The following SPTBN4 variants were observed in gnomAD, a reference collection of about 807,000 sequenced individuals.
The protein encoded by SPTBN4 is spectrin beta chain, non-erythrocytic 4.
Under a neutral mutation model 277.8 loss-of-function variants are expected in SPTBN4, and 96 were observed. That is an observed-to-expected ratio of 0.35 (90% CI 0.29 to 0.41). The LOEUF (loss-of-function observed/expected upper bound fraction) is 0.41. Ranked by LOEUF, SPTBN4 falls within the 10% of genes least tolerant of loss-of-function variation. The pLI is 1.00. For synonymous variants in SPTBN4, 1,481 were observed against 1,580.3 expected (o/e 0.94, Z 1.49); for missense variants, 3,006 against 3,595.7 (o/e 0.84, Z 4.19).
At chr19:40,528,739 C>T (rs775431334) in intron 17 of SPTBN4, among the ~76,000 whole-genome samples, 2 of 152,008 alleles carry the variant, frequency 1.3e-5, no homozygotes, top group African/African-American at 2.4e-5. Flanking sequence ...CTAGGTATGT[C>T]TGTCTTTACT....
rs1324788939 is a variant in SPTBN4, at chr19:40,567,928, G to T, written c.6602G>T (p.Arg2201Met). The T allele has an allele frequency of 6.6e-7, 1 of 1,519,434 alleles. No individual in the cohort carries two copies. The allele number at this position is 1,519,434 out of a possible 1,614,324, so 94.1% of individuals were successfully genotyped here. Reference protein sequence around the residue: ...RIDRLPEIPGRVEPAALPAAP... With the variant: ...RIDRLPEIPGMVEPAALPAAP... ...GACCGGCTGCCGGAGATCCCGGGGA[G>T]GGTGGAGCCCGCGGCCCTGCCGGCC... The change falls in exon 31 of 36, where the codon AGG becomes ATG. Residue 2201 changes from arginine (R) to methionine (M), a missense_variant. This residue lies in a region of SPTBN4 where 630 missense variants were observed against 677.6 expected (regional missense o/e 0.93). Transcript: ENST00000598249.
rs752906848 is a variant in SPTBN4, at chr19:40,472,591, C to A, written c.-15-16C>A. On this transcript the variant is annotated splice_polypyrimidine_tract_variant and intron_variant, in intron 1 of 35. Coordinates refer to ENST00000598249, the MANE Select transcript of SPTBN4 (RefSeq NM_020971.3). The stretch of plus-strand genomic sequence containing the variant: ...AGACTTGATCCTAGACCTAACCTAC[C>A]TCTCCCTATGTCCAGGCCTCACCTT... 5.0e-5 allele frequency: 79 copies of A among 1,585,276 alleles called. No homozygotes were observed. Among genetic ancestry groups the A allele is most frequent in the Non-Finnish European group, 6.7e-5 (78 of 1,161,576 alleles).
intron 20 of SPTBN4, among the ~76,000 whole-genome samples, chr19:40,545,339 C>T (rs767319541): frequency 9.0e-4 from 137 of 151,922 alleles, no homozygotes; most frequent in Non-Finnish European, 1.6e-3. Flanking sequence ...TGTGATCTGC[C>T]TGCCTTGGCC....
At chr19:40,530,866 A>T (rs1251609665) in intron 18 of SPTBN4, 1 of 144,810 alleles carries the variant, frequency 6.9e-6, no homozygotes, top group African/African-American at 2.6e-5. Context: ...GGTAATCTGG[A>T]TTTGCCCTAA....
Position 40,534,061 on chromosome 19 carries a change from A to T in SPTBN4, c.4096-19A>T. On this transcript the variant is annotated intron_variant, in intron 19 of 35. Coordinates refer to ENST00000598249, the MANE Select transcript of SPTBN4 (RefSeq NM_020971.3). ...CTATCTATCTTCTCCATCTCCTGCC[A>T]TCCACCCACTTGGGGCAGGAGGGCC... 6.3e-7 allele frequency: 1 copy of T among 1,589,918 alleles called. No homozygotes were observed. Among genetic ancestry groups the T allele is most frequent in the Non-Finnish European group, 8.6e-7 (1 of 1,163,392 alleles).
At chr19:40,559,722 G>A (rs994242111) in intron 26 of SPTBN4, among the ~76,000 whole-genome samples, 1 of 152,206 alleles carries the variant, frequency 6.6e-6, no homozygotes, top group Non-Finnish European at 1.5e-5. Flanking sequence ...AATGGAAATT[G>A]GGCAGGGGAG....
Position 40,567,752 on chromosome 19 carries a change from C to G in SPTBN4, c.6426C>G (p.Ala2142=). The change falls in exon 31 of 36, where the codon GCC becomes GCG. Residue 2142 remains alanine (A), a synonymous_variant. Coordinates refer to ENST00000598249, the MANE Select transcript of SPTBN4 (RefSeq NM_020971.3). ...KFFGDPTELA[A]KAAPLLRPGG... ...TTGGGGACCCCACGGAACTGGCGGC[C>G]AAGGCGGCGCCCCTGCTGCGGCCAG... The G allele has an allele frequency of 6.5e-7, 1 of 1,546,228 alleles. No homozygotes were observed. Among genetic ancestry groups the G allele is most frequent in the Non-Finnish European group, 8.7e-7 (1 of 1,146,710 alleles).
chr19:40,531,712 C>T (rs1392722446), intron 18 of SPTBN4, among the ~76,000 whole-genome samples: 1 of 151,284 alleles, frequency 6.6e-6, no homozygotes, highest in Non-Finnish European at 1.5e-5. Flanking sequence ...TTGGTGCTTG[C>T]GTTTTGGATG....
intron 12 of SPTBN4, among the ~76,000 whole-genome samples, chr19:40,505,568 C>T (rs2080316562): frequency 1.3e-5 from 2 of 151,542 alleles, no homozygotes; most frequent in African/African-American, 2.4e-5. Flanking sequence ...TACATCTAAT[C>T]GGGAGGCAGG....
At chr19:40,506,111 C>T in intron 12 of SPTBN4, 125 bp from the exon 13 acceptor site, 1 of 1,301,692 alleles carries the variant, frequency 7.7e-7, no homozygotes, top group Non-Finnish European at 1.0e-6. Flanking sequence ...TGGTCCATAT[C>T]TCTCCAAGAG....
intron 19 of SPTBN4, 137 bp from the exon 20 acceptor site, chr19:40,533,943 C>T: frequency 9.1e-7 from 1 of 1,102,906 alleles, no homozygotes; most frequent in Non-Finnish European, 1.3e-6. Context: ...CTCTCTCTCC[C>T]TATGTGTCTC....
chr19:40,552,744 G>A lies in SPTBN4; in HGVS notation c.4675-1403G>A, dbSNP rs553401970. Among the ~76,000 whole-genome samples the A allele has an allele frequency of 1.1e-3, 160 of 152,254 alleles. 2 individuals are homozygous for A. In the South Asian group the frequency reaches 0.011, roughly 11 times the overall value. Reference sequence around the variant, plus strand: ...TGAGATTTTGTTTTCCTGTCTTGATGAAAATACTCTTGGCTGTCAACAGTG... The same window carrying A: ...TGAGATTTTGTTTTCCTGTCTTGATAAAAATACTCTTGGCTGTCAACAGTG... On this transcript the variant is annotated intron_variant, in intron 22 of 35. Transcript: ENST00000598249.
intron 20 of SPTBN4, 185 bp downstream of exon 20, chr19:40,534,528 A>G: frequency 1.4e-6 from 1 of 739,576 alleles, no homozygotes. Flanking sequence ...AGCAGCCACC[A>G]CTCCCTAAGG....
intron 20 of SPTBN4, among the ~76,000 whole-genome samples, chr19:40,535,974 T>A (rs945160719): frequency 1.3e-5 from 2 of 151,530 alleles, no homozygotes; most frequent in African/African-American, 4.9e-5. Context: ...AATAAAAAAA[T>A]AAAAAAAATA....
At chr19:40,469,503 TC>T (rs1193791036) in intron 1 of SPTBN4, among the ~76,000 whole-genome samples, 2 of 150,736 alleles carry the variant, frequency 1.3e-5, no homozygotes, top group Non-Finnish European at 3.0e-5. Flanking sequence ...GACCTCGTGA[TC>T]CACCCGCCTC....
At chr19:40,480,594 C>T (rs776226778) in intron 2 of SPTBN4, among the ~76,000 whole-genome samples, 12 of 152,066 alleles carry the variant, frequency 7.9e-5, no homozygotes, top group South Asian at 4.1e-4. Flanking sequence ...GTTTTATGTC[C>T]GGCATTATTC....
chr19:40,570,728 G>A lies in SPTBN4; in HGVS notation c.7319G>A (p.Arg2440Gln). Residue 2440 changes from arginine to glutamine, a missense_variant and splice_region_variant, in exon 33 of 36, where the codon CGG becomes CAG. Arg to Gln is a conservative substitution (Grantham distance 43). Coordinates refer to ENST00000598249, the MANE Select transcript of SPTBN4 (RefSeq NM_020971.3). ...ELDANRKSSNRSWVSLYCVLS... is the reference protein window; with the variant it reads ...ELDANRKSSNQSWVSLYCVLS... The stretch of plus-strand genomic sequence containing the variant: ...GACGCTAACCGCAAGTCGTCCAACC[G>A]GTGAGCGTGTGGGCGGGGCTTTGGA... 6.2e-7 allele frequency: 1 copy of A among 1,606,766 alleles called. No homozygotes were observed.
intron 2 of SPTBN4, among the ~76,000 whole-genome samples, chr19:40,483,819 G>A (rs1044690404): frequency 6.6e-6 from 1 of 152,184 alleles, no homozygotes; most frequent in African/African-American, 2.4e-5. Context: ...GGACAACTGG[G>A]TTCTGCCCTG....
At position 40,560,503 on chromosome 19, in the gene SPTBN4, G is replaced by T; in HGVS notation, c.5915+100G>T. The stretch of plus-strand genomic sequence containing the variant: ...CCCCCTTCTCAATGGAATGACAACA[G>T]CCAATATCTGTGTGGCGCCTCTGTG... On this transcript the variant is annotated intron_variant, in intron 27 of 35. Transcript: ENST00000598249. This position sits in a 1 kb window ranked among gnomAD's most constrained non-coding sequence, Gnocchi z 5.2. 1 of 1,593,132 alleles carries T rather than the reference G, an allele frequency of 6.3e-7. No individual in the cohort carries two copies.
Sources: allele counts gnomAD v4.1 joint callset (sites outside exome capture counted in the v4.1 genomes callset), GRCh38; gene constraint gnomAD v4.1.1; regional missense constraint gnomAD v4.1.1; non-coding constraint Gnocchi (gnomAD v3.1); transcripts MANE v1.5; gene names NCBI Gene and HGNC (gene_info 2026-07-23, HGNC 2026-07-21).